Variants in CSNK2A2IP observed in about 807,000 individuals in gnomAD.
CSNK2A2IP encodes casein kinase II subunit alpha'-interacting protein.
At chr3:88,381,976 A>G in the CSNK2A2IP span, among the ~76,000 whole-genome samples, 2 of 152,200 alleles carry the variant, frequency 1.3e-5, no homozygotes, top group Non-Finnish European at 2.9e-5. Context: ...ACTTGTTCTG[A>G]CCAGGAGATC....
chr3:88,365,664 A>G, the CSNK2A2IP span, among the ~76,000 whole-genome samples: 1 of 152,154 alleles, frequency 6.6e-6, no homozygotes, highest in Non-Finnish European at 1.5e-5. Flanking sequence ...ATCTTTATGC[A>G]GTGCCCCTTT....
chr3:88,424,524 G>C, the CSNK2A2IP span, among the ~76,000 whole-genome samples: 5 of 152,122 alleles, frequency 3.3e-5, no homozygotes, highest in African/African-American at 1.2e-4. Context: ...AGTGATAAAT[G>C]CTTTAAAAAC....
At chr3:88,418,520 G>A in the CSNK2A2IP span, among the ~76,000 whole-genome samples, 7 of 151,854 alleles carry the variant, frequency 4.6e-5, no homozygotes, top group East Asian at 1.2e-3. Context: ...TTCTTCAGCA[G>A]CATTTAGCCT....
At chr3:88,397,667 A>G in the CSNK2A2IP span, among the ~76,000 whole-genome samples, 1 of 152,222 alleles carries the variant, frequency 6.6e-6, no homozygotes, top group South Asian at 2.1e-4. Context: ...TATAGTATTT[A>G]TATTCATAAA....
At chr3:88,407,317 A>G in the CSNK2A2IP span, among the ~76,000 whole-genome samples, 7 of 144,174 alleles carry the variant, frequency 4.9e-5, no homozygotes, top group Admixed American at 3.5e-4. Context: ...AAAAAAGGAG[A>G]GGGAGGGTCT....
At chr3:88,462,357 C>T in the CSNK2A2IP span, among the ~76,000 whole-genome samples, 26 of 152,128 alleles carry the variant, frequency 1.7e-4, no homozygotes, top group African/African-American at 5.5e-4. Flanking sequence ...TGTGCATTTT[C>T]TTCCCTCACC....
the CSNK2A2IP span, among the ~76,000 whole-genome samples, chr3:88,453,394 T>C: frequency 6.6e-6 from 1 of 152,144 alleles, no homozygotes; most frequent in Admixed American, 6.6e-5. Flanking sequence ...GAAACAATTT[T>C]ATATTGCATA....
chr3:88,443,524 G>C, the CSNK2A2IP span, among the ~76,000 whole-genome samples: 57 of 152,264 alleles, frequency 3.7e-4, no homozygotes, highest in African/African-American at 1.3e-3. Context: ...CAATAGTCAG[G>C]AGAGAGCCGA....
chr3:88,376,467 T>G, the CSNK2A2IP span, among the ~76,000 whole-genome samples: 1 of 151,792 alleles, frequency 6.6e-6, no homozygotes. Flanking sequence ...ATCTTCATCA[T>G]TCTTTTCTTC....
chr3:88,371,424 T>C, the CSNK2A2IP span, among the ~76,000 whole-genome samples: 1 of 151,724 alleles, frequency 6.6e-6, no homozygotes, highest in Non-Finnish European at 1.5e-5. Context: ...AAAATAAAAA[T>C]ACCTTAGATG....
chr3:88,376,558 G>A, the CSNK2A2IP span, among the ~76,000 whole-genome samples: 4 of 151,660 alleles, frequency 2.6e-5, no homozygotes, highest in African/African-American at 7.3e-5. Flanking sequence ...TTAGCTTCAA[G>A]ATATAGCTCT....
At chr3:88,378,417 A>G in the CSNK2A2IP span, among the ~76,000 whole-genome samples, 1 of 151,880 alleles carries the variant, frequency 6.6e-6, no homozygotes, top group Admixed American at 6.6e-5. Flanking sequence ...ATAGATTTCT[A>G]TATTCTAAAC....
At chr3:88,418,621 A>T in the CSNK2A2IP span, among the ~76,000 whole-genome samples, 632 of 152,302 alleles carry the variant, frequency 4.1e-3, 2 homozygotes, top group Non-Finnish European at 5.7e-3. Flanking sequence ...CATTAAAAAA[A>T]ATTTATTTTT....
the CSNK2A2IP span, among the ~76,000 whole-genome samples, chr3:88,357,680 A>C: frequency 6.6e-6 from 1 of 152,176 alleles, no homozygotes; most frequent in Non-Finnish European, 1.5e-5. Context: ...TAGTATGGAC[A>C]ATTTAACAAT....
the CSNK2A2IP span, chr3:88,465,899 G>A: frequency 8.1e-7 from 1 of 1,231,590 alleles, no homozygotes; most frequent in Non-Finnish European, 1.0e-6. Context: ...AGAGTCTCAA[G>A]TTCATCATTA....
the CSNK2A2IP span, among the ~76,000 whole-genome samples, chr3:88,416,099 C>T: frequency 7.8e-4 from 118 of 151,564 alleles, 1 homozygote; most frequent in Non-Finnish European, 2.8e-4. Context: ...GGTGAAATCC[C>T]GTCTCTACTA....
At chr3:88,348,027 C>A in the CSNK2A2IP span, among the ~76,000 whole-genome samples, 13 of 151,906 alleles carry the variant, frequency 8.6e-5, no homozygotes, top group Non-Finnish European at 1.8e-4. Flanking sequence ...TAAAGACTTT[C>A]TTTCACCTGG....
chr3:88,467,571 G>A, the CSNK2A2IP span: 3 of 398,428 alleles, frequency 7.5e-6, no homozygotes, highest in Non-Finnish European at 8.9e-6. Flanking sequence ...GAGAAATTGT[G>A]ATTAAATTAA....
At chr3:88,419,177 A>G in the CSNK2A2IP span, among the ~76,000 whole-genome samples, 1 of 152,206 alleles carries the variant, frequency 6.6e-6, no homozygotes, top group Non-Finnish European at 1.5e-5. Flanking sequence ...AATAATAGAC[A>G]TAAAGTGCAC....
Sources: gnomAD v4.1 joint callset for allele counts (sites outside exome capture counted in the v4.1 genomes callset) on GRCh38, gnomAD v4.1.1 for gene constraint, MANE v1.5 for transcripts, NCBI Gene and HGNC (gene_info 2026-07-23, HGNC 2026-07-21) for gene names.